Variants in GALNTL6 observed in about 807,000 individuals in gnomAD.
GALNTL6 encodes polypeptide N-acetylgalactosaminyltransferase-like 6.
A neutral mutation model predicts 73.7 loss-of-function variants in GALNTL6; 46 were observed. The ratio of observed to expected loss-of-function variants is 0.62; its 90% CI spans 0.49 to 0.80. The LOEUF (loss-of-function observed/expected upper bound fraction) is 0.80, where lower values mean the gene tolerates loss of function less well. GALNTL6 is among the 30% of genes least tolerant of loss of function. The pLI is 0.00. For missense variants in GALNTL6, 604 were observed against 755.0 expected (o/e 0.80, Z 2.34); for synonymous variants, 259 against 263.7 (o/e 0.98, Z 0.17).
At chr4:172,291,834 T>C (rs1739487100) in intron 3 of GALNTL6, among the ~76,000 whole-genome samples, 1 of 152,062 alleles carries the variant, frequency 6.6e-6, no homozygotes, top group South Asian at 2.1e-4. Context: ...AAAATTATAT[T>C]TTAATAAAAG....
chr4:171,933,145 G>GA (rs1431401111), intron 2 of GALNTL6, among the ~76,000 whole-genome samples: 6 of 152,122 alleles, frequency 3.9e-5, no homozygotes, highest in Non-Finnish European at 5.9e-5. Flanking sequence ...TGTACAGTAG[G>GA]AAAAAATCTT....
At chr4:172,313,974 C>T (rs1740457006) in intron 4 of GALNTL6, among the ~76,000 whole-genome samples, 1 of 152,152 alleles carries the variant, frequency 6.6e-6, no homozygotes, top group Non-Finnish European at 1.5e-5. Context: ...GCTCCACCTG[C>T]AGGAAACGGA....
At chr4:172,749,488 A>G (rs565655983) in intron 5 of GALNTL6, among the ~76,000 whole-genome samples, 64 of 152,234 alleles carry the variant, frequency 4.2e-4, no homozygotes, top group Middle Eastern at 3.4e-3. Context: ...AAGTTTTTAT[A>G]TGAGAATGTA....
intron 2 of GALNTL6, among the ~76,000 whole-genome samples, chr4:172,102,459 T>G (rs1732545797): frequency 6.6e-6 from 1 of 152,186 alleles, no homozygotes; most frequent in African/African-American, 2.4e-5. Flanking sequence ...GTTATCTTAA[T>G]TCTAGCCATA....
At chr4:172,110,550 C>T (rs1022922972) in intron 2 of GALNTL6, among the ~76,000 whole-genome samples, 2 of 152,184 alleles carry the variant, frequency 1.3e-5, no homozygotes, top group African/African-American at 2.4e-5. Flanking sequence ...TTTCTGCCAA[C>T]AATCTTCCTA....
At chr4:172,370,630 C>CAAAAAAAAA (rs71592072) in intron 5 of GALNTL6, among the ~76,000 whole-genome samples, 3 of 59,826 alleles carry the variant, frequency 5.0e-5, no homozygotes, top group Admixed American at 2.1e-4. Context: ...GACTCCATCT[C>CAAAAAAAAA]AAAAAAAAAA....
At chr4:172,330,627 C>A (rs1325505427) in intron 4 of GALNTL6, among the ~76,000 whole-genome samples, 1 of 152,140 alleles carries the variant, frequency 6.6e-6, no homozygotes, top group Non-Finnish European at 1.5e-5. Flanking sequence ...GTTGTTTTAT[C>A]GCTCATTTTA....
intron 2 of GALNTL6, among the ~76,000 whole-genome samples, chr4:171,841,365 T>C (rs1178485835): frequency 2.6e-5 from 4 of 152,174 alleles, no homozygotes; most frequent in African/African-American, 9.6e-5. Context: ...TAATATTTAA[T>C]CTATGTATTG....
intron 2 of GALNTL6, among the ~76,000 whole-genome samples, chr4:171,847,338 G>C (rs1010658926): frequency 6.6e-6 from 1 of 152,108 alleles, no homozygotes; most frequent in South Asian, 2.1e-4. Flanking sequence ...AATCAAAAAT[G>C]TTTACGAGCC....
chr4:172,380,241 A>G (rs1222216574), intron 5 of GALNTL6: 13 of 901,618 alleles, frequency 1.4e-5, no homozygotes, highest in Non-Finnish European at 1.9e-5. Context: ...ATTCTCCCCA[A>G]CTTGTCTACA....
intron 5 of GALNTL6, among the ~76,000 whole-genome samples, chr4:172,678,900 A>G (rs1732460891): frequency 6.6e-6 from 1 of 152,148 alleles, no homozygotes; most frequent in Admixed American, 6.5e-5. Flanking sequence ...TCTCAGTAAA[A>G]GGTCAGATAG....
intron 2 of GALNTL6, among the ~76,000 whole-genome samples, chr4:171,833,432 A>G (rs1329124411): frequency 1.3e-5 from 2 of 151,756 alleles, no homozygotes; most frequent in East Asian, 1.9e-4. Flanking sequence ...GAATCAGAGG[A>G]AAAATGATCT....
intron 2 of GALNTL6, among the ~76,000 whole-genome samples, chr4:171,981,553 A>G (rs1739895845): frequency 6.6e-6 from 1 of 152,224 alleles, no homozygotes; most frequent in Non-Finnish European, 1.5e-5. Context: ...TAGGAATAAA[A>G]TAGGAAGCAG....
At chr4:172,689,733 C>T (rs76990359) in intron 5 of GALNTL6, among the ~76,000 whole-genome samples, 4,936 of 152,140 alleles carry the variant, frequency 0.032, 287 homozygotes, top group African/African-American at 0.11. Context: ...ATGTTAACCA[C>T]GCCAAATATT....
intron 5 of GALNTL6, among the ~76,000 whole-genome samples, chr4:172,805,903 G>T (rs1178583676): frequency 6.6e-6 from 1 of 152,070 alleles, no homozygotes; most frequent in African/African-American, 2.4e-5. Context: ...GTTGGGGCTG[G>T]ATGAAGGATA....
intron 5 of GALNTL6, among the ~76,000 whole-genome samples, chr4:172,416,093 A>G (rs1269586934): frequency 2.0e-5 from 3 of 152,182 alleles, no homozygotes; most frequent in Non-Finnish European, 4.4e-5. Flanking sequence ...AGGTCTCGAA[A>G]TGTATGGGGA....
chr4:172,066,747 C>A (rs1368436115), intron 2 of GALNTL6, among the ~76,000 whole-genome samples: 1 of 152,120 alleles, frequency 6.6e-6, no homozygotes, highest in African/African-American at 2.4e-5. Context: ...CAGAACATGA[C>A]ATTTGGGCCT....
chr4:172,609,099 G>T (rs535224238), intron 5 of GALNTL6, among the ~76,000 whole-genome samples: 1 of 152,204 alleles, frequency 6.6e-6, no homozygotes, highest in Admixed American at 6.6e-5. Flanking sequence ...AGTTTGACTT[G>T]CTGTCTTCCT....
At chr4:172,996,579 A>G (rs774139309) in intron 10 of GALNTL6, among the ~76,000 whole-genome samples, 4 of 152,234 alleles carry the variant, frequency 2.6e-5, no homozygotes, top group Non-Finnish European at 5.9e-5. Context: ...AAGAATTAAT[A>G]GTTTCGGAGG....
Sources: allele counts gnomAD v4.1 joint callset (sites outside exome capture counted in the v4.1 genomes callset), GRCh38; gene constraint gnomAD v4.1.1; transcripts MANE v1.5; gene names NCBI Gene and HGNC (gene_info 2026-07-23, HGNC 2026-07-21).